The following FBXL14 variants were observed in gnomAD, a reference collection of about 807,000 sequenced individuals.
FBXL14 encodes F-box/LRR-repeat protein 14.
A neutral mutation model predicts 24.5 loss-of-function variants in FBXL14; 11 were observed. That is an observed-to-expected ratio of 0.45 (90% CI 0.28 to 0.74). The LOEUF (loss-of-function observed/expected upper bound fraction) is 0.74. Among genes scored for constraint, FBXL14 ranks in the 30% least tolerant of loss-of-function variants. The pLI, the probability that FBXL14 is intolerant of heterozygous loss-of-function variation, is 0.12. For missense variants in FBXL14, 384 were observed against 545.6 expected, an observed-to-expected ratio of 0.70 and a Z score of 2.95; for synonymous variants, 294 against 240.4, an observed-to-expected ratio of 1.22 and a Z score of -2.06.
intron 1 of FBXL14, 80 bp downstream of exon 1, chr12:1,592,791 CGT>C (rs1264358721): frequency 2.8e-5 from 33 of 1,172,628 alleles, no homozygotes; most frequent in Non-Finnish European, 3.5e-5. Flanking sequence ...CGTAAGTGTG[CGT>C]GTGAGTGTGT....
chr12:1,583,359 TAAG>T (rs1395042958), intron 1 of FBXL14, among the ~76,000 whole-genome samples: 5 of 151,348 alleles, frequency 3.3e-5, no homozygotes, highest in Non-Finnish European at 5.9e-5. Context: ...AAGTGCCCTT[TAAG>T]AAGAATTAGA....
intron 1 of FBXL14, among the ~76,000 whole-genome samples, chr12:1,575,411 G>A (rs952619674): frequency 1.3e-5 from 2 of 152,040 alleles, no homozygotes; most frequent in Admixed American, 6.6e-5. Flanking sequence ...TGAATATTCC[G>A]TATTCCAGCC....
At chr12:1,575,331 A>G (rs998156091) in intron 1 of FBXL14, among the ~76,000 whole-genome samples, 1 of 152,206 alleles carries the variant, frequency 6.6e-6, no homozygotes, top group Non-Finnish European at 1.5e-5. Context: ...ATCTCTATCA[A>G]TGTAATCTAT....
intron 1 of FBXL14, among the ~76,000 whole-genome samples, chr12:1,578,261 G>A (rs1445122140): frequency 6.6e-6 from 1 of 152,170 alleles, no homozygotes; most frequent in African/African-American, 2.4e-5. Flanking sequence ...CCTGAAAGAC[G>A]TGAGATGCAT....
intron 1 of FBXL14, among the ~76,000 whole-genome samples, chr12:1,575,379 G>T (rs973420406): frequency 1.3e-5 from 2 of 151,962 alleles, no homozygotes. Flanking sequence ...CTTATCTATC[G>T]ACCTAACTGT....
rs146024829 is a variant in FBXL14, at chr12:1,583,332, TAAG to T, written c.1194+9538_1194+9540del. 6.6e-3 allele frequency among the ~76,000 whole-genome samples: 998 copies of T among 151,240 alleles called. 3 individuals are homozygous for T. The highest frequency in any genetic ancestry group is 0.023 in the African/African-American group (949 of 41,104). ...CCCAAACTCCCCAGATATGGCAATCTAAGAAGGATTTGTATGAAGTGCCCTTTA... is the reference window on the plus strand; with the variant it reads ...CCCAAACTCCCCAGATATGGCAATCTAAGGATTTGTATGAAGTGCCCTTTA... On this transcript the variant is annotated intron_variant, in intron 1 of 1. Transcript: ENST00000339235.
At chr12:1,594,637 G>A (rs530958233), upstream of FBXL14, among the ~76,000 whole-genome samples, 1 of 148,998 alleles carries the variant, frequency 6.7e-6, no homozygotes, top group African/African-American at 2.4e-5. Flanking sequence ...GGGACCAGGA[G>A]GCCAATCCCG....
At chr12:1,588,844 A>G (rs2240506) in intron 1 of FBXL14, among the ~76,000 whole-genome samples, 112,775 of 151,796 alleles carry the variant, frequency 0.74, 43,748 homozygotes, top group Non-Finnish European at 0.87. Context: ...AAAGTGTACT[A>G]TCAATTCATG....
At position 1,593,719 on chromosome 12, in the gene FBXL14, G is replaced by T. The variant is rs748337782; in HGVS notation, c.348C>A (p.Ile116=). Residue 116 remains isoleucine (I), a synonymous_variant, in exon 1 of 2, where the codon ATC becomes ATA. Coordinates refer to ENST00000339235, the MANE Select transcript of FBXL14 (RefSeq NM_152441.3). This position sits in a 1 kb window ranked among gnomAD's most constrained non-coding sequence, Gnocchi z 7.4. The part of the protein sequence containing the change: ...NGLGHAFVQE[I]GSLRALNLSL... The stretch of plus-strand genomic sequence containing the variant: ...TCAGGTTGAGAGCGCGCAGGGAGCC[G>T]ATCTCCTGCACAAACGCGTGGCCCA... 2 of 1,613,998 alleles carry T rather than the reference G, an allele frequency of 1.2e-6. No homozygotes were observed. The highest frequency in any genetic ancestry group is 3.3e-5 in the Admixed American group (2 of 60,014).
chr12:1,592,223 AATAT>A (rs1555152274), intron 1 of FBXL14, among the ~76,000 whole-genome samples: 1 of 147,604 alleles, frequency 6.8e-6, no homozygotes, highest in Non-Finnish European at 1.5e-5. Flanking sequence ...ATATATATAT[AATAT>A]ATAGAATATA....
Position 1,578,696 on chromosome 12 carries a change from A to T in FBXL14, c.1195-11886T>A, listed in dbSNP as rs148427713. On this transcript the variant is annotated intron_variant, in intron 1 of 1. Coordinates refer to ENST00000339235, the MANE Select transcript of FBXL14 (RefSeq NM_152441.3). Reference sequence around the variant, plus strand: ...AACATGGTATGTTAAAAGCGCAGAGAAGCTGAAGAATGATGATGAAGACTA... The same window carrying T: ...AACATGGTATGTTAAAAGCGCAGAGTAGCTGAAGAATGATGATGAAGACTA... Among the ~76,000 whole-genome samples the T allele has an allele frequency of 1.2e-4, 18 of 152,240 alleles. No individual in the cohort carries two copies. The East Asian group carries it at 3.5e-3, about 29-fold the overall frequency.
intron 1 of FBXL14, among the ~76,000 whole-genome samples, chr12:1,588,863 C>T (rs2094482301): frequency 6.6e-6 from 1 of 151,850 alleles, no homozygotes; most frequent in African/African-American, 2.4e-5. Flanking sequence ...TGTCCTTTAG[C>T]TCTTCTATTC....
intron 1 of FBXL14, among the ~76,000 whole-genome samples, chr12:1,578,764 G>A (rs2094460657): frequency 6.6e-6 from 1 of 152,158 alleles, no homozygotes; most frequent in Non-Finnish European, 1.5e-5. Flanking sequence ...CATCTGTGCA[G>A]TGATTCAGGA....
rs1485134314 is a variant in FBXL14 at position 1,594,205 on chromosome 12, T to A, written c.-139A>T. The A allele has an allele frequency of 1.1e-4, 48 of 438,186 alleles. No homozygotes were observed. In the South Asian group the frequency reaches 1.3e-3, roughly 12 times the overall value. 27.1% of individuals were successfully genotyped at this position (438,186 alleles called of 1,614,324 possible). On this transcript the variant is annotated 5_prime_UTR_variant, in exon 1 of 2. Coordinates refer to ENST00000339235, the MANE Select transcript of FBXL14 (RefSeq NM_152441.3). Reference sequence around the variant, plus strand: ...CGCCTCGGGCCCAACGGCCGGCCCCTCCCCGCCTTCCGGCTCCGGCCGCCG... The same window carrying A: ...CGCCTCGGGCCCAACGGCCGGCCCCACCCCGCCTTCCGGCTCCGGCCGCCG...
rs1565592630 is a variant in FBXL14, at chr12:1,593,821, G to A, written c.246C>T (p.Leu82=). 1.2e-6 allele frequency: 2 copies of A among 1,614,098 alleles called. No individual in the cohort carries two copies. Among genetic ancestry groups the A allele is most frequent in the Non-Finnish European group, 1.7e-6 (2 of 1,179,998 alleles). The change falls in exon 1 of 2, where the codon CTC becomes CTT. Residue 82 remains leucine, a synonymous_variant. Transcript: ENST00000339235. The surrounding 1 kb of genome is among the most constrained non-coding windows in gnomAD (Gnocchi z 7.4). ...TGGCCATGCCCTGGATCACGTAGCT[G>A]AGGCTGCGGCGGAGGCTCAGGATCT... ...RVQILSLRRS[L]SYVIQGMANI... is the part of the protein sequence containing the mutation.
intron 1 of FBXL14, among the ~76,000 whole-genome samples, chr12:1,571,425 C>G (rs2154437709): frequency 6.6e-6 from 1 of 152,236 alleles, no homozygotes; most frequent in Admixed American, 6.5e-5. Context: ...TCAGGCTGGT[C>G]TCGAACTCCT....
At chr12:1,592,838 G>A (rs1299585392) in intron 1 of FBXL14, 35 bp downstream of exon 1, 1 of 1,527,082 alleles carries the variant, frequency 6.5e-7, no homozygotes. Context: ...AACAGGGCGG[G>A]ACAAGGGGAG....
Position 1,593,651 on chromosome 12 carries a change from G to A in FBXL14, c.416C>T (p.Ala139Val), listed in dbSNP as rs771448790. Reference protein sequence around the residue: ...QITDSSLGRIAQYLKGLEVLE... With the variant: ...QITDSSLGRIVQYLKGLEVLE... ...CACCTCCAGGCCCTTGAGGTACTGGGCTATGCGGCCCAGGCTGCTGTCAGT... is the reference window on the plus strand; with the variant it reads ...CACCTCCAGGCCCTTGAGGTACTGGACTATGCGGCCCAGGCTGCTGTCAGT... The change falls in exon 1 of 2, where the codon GCC (alanine) becomes GTC (valine). Residue 139 changes from alanine to valine, a missense_variant. By Grantham distance (64) the Ala-to-Val change is moderately conservative (BLOSUM62 0). Transcript: ENST00000339235. This position sits in a 1 kb window ranked among gnomAD's most constrained non-coding sequence, Gnocchi z 7.4. 1.2e-6 allele frequency: 2 copies of A among 1,614,064 alleles called. No homozygotes were observed. The highest frequency in any genetic ancestry group is 1.3e-5 in the African/African-American group (1 of 74,944).
intron 1 of FBXL14, among the ~76,000 whole-genome samples, chr12:1,568,393 T>TTGCAAGAAATGTTAC (rs1171989784): frequency 6.6e-6 from 1 of 152,172 alleles, no homozygotes; most frequent in African/African-American, 2.4e-5. Context: ...TAGATCTGCC[T>TTGCAAGAAATGTTAC]TGCAAGAAAT....
Sources: allele counts gnomAD v4.1 joint callset (sites outside exome capture counted in the v4.1 genomes callset), GRCh38; gene constraint gnomAD v4.1.1; non-coding constraint Gnocchi (gnomAD v3.1); transcripts MANE v1.5; gene names NCBI Gene and HGNC (gene_info 2026-07-23, HGNC 2026-07-21).